EPHA5: variants seen among roughly 807,000 people sequenced by gnomAD.
EPHA5 encodes the protein ephrin type-A receptor 5.
Under a neutral mutation model 105.0 loss-of-function variants are expected in EPHA5, and 60 were observed. The ratio of observed to expected loss-of-function variants is 0.57; its 90% confidence interval spans 0.46 to 0.71. The LOEUF is 0.71. Among genes scored for constraint, EPHA5 ranks in the 30% least tolerant of loss-of-function variants. The pLI is 0.00. For missense variants in EPHA5, 1,218 were observed against 1,274.7 expected (o/e 0.96, Z 0.68); for synonymous variants, 513 against 449.1 (o/e 1.14, Z -1.80).
At chr4:65,468,584 A>AAT (rs1560571631) in intron 5 of EPHA5, among the ~76,000 whole-genome samples, 1 of 24,098 alleles carries the variant, frequency 4.1e-5, no homozygotes, top group African/African-American at 1.3e-4. Flanking sequence ...ATATATGTAA[A>AAT]ATATATATAA....
intron 2 of EPHA5, among the ~76,000 whole-genome samples, chr4:65,605,266 G>T (rs1419154324): frequency 6.6e-6 from 1 of 152,082 alleles, no homozygotes; most frequent in Non-Finnish European, 1.5e-5. Flanking sequence ...ATCAGAGAAG[G>T]GTCGGGGGAA....
chr4:65,661,084 T>A (rs894246997), intron 1 of EPHA5, among the ~76,000 whole-genome samples: 5 of 152,212 alleles, frequency 3.3e-5, no homozygotes, highest in Non-Finnish European at 4.4e-5. Context: ...ATAGCAATTA[T>A]ATGAAGTAGG....
chr4:65,453,227 T>A (rs1727239321), intron 5 of EPHA5, among the ~76,000 whole-genome samples: 1 of 152,220 alleles, frequency 6.6e-6, no homozygotes, highest in Non-Finnish European at 1.5e-5. Context: ...TGTGTAGAAA[T>A]TATAATGGAA....
At chr4:65,612,935 A>C (rs1381559208) in intron 2 of EPHA5, among the ~76,000 whole-genome samples, 1 of 152,038 alleles carries the variant, frequency 6.6e-6, no homozygotes, top group Non-Finnish European at 1.5e-5. Flanking sequence ...TGAGGTCTTA[A>C]TCATGCATAC....
At chr4:65,665,223 G>A (rs1399690348) in intron 1 of EPHA5, among the ~76,000 whole-genome samples, 1 of 151,658 alleles carries the variant, frequency 6.6e-6, no homozygotes, top group Non-Finnish European at 1.5e-5. Flanking sequence ...AGGTAGAAAG[G>A]TTTCTACCAA....
intron 2 of EPHA5, among the ~76,000 whole-genome samples, chr4:65,613,323 A>T (rs1256177708): frequency 6.6e-6 from 1 of 151,916 alleles, no homozygotes; most frequent in Admixed American, 6.6e-5. Context: ...CTCCAGCTTT[A>T]TTCTTTTTGC....
At chr4:65,585,118 GTT>G (rs1560735017) in intron 3 of EPHA5, among the ~76,000 whole-genome samples, 1 of 116,158 alleles carries the variant, frequency 8.6e-6, no homozygotes, top group African/African-American at 3.4e-5. Context: ...GTGCATGTGT[GTT>G]TGTGTGTGTG....
rs190831840 is a variant in EPHA5 at position 65,379,935 on chromosome 4, C to A, written c.1794-12511G>T. Among the ~76,000 whole-genome samples the A allele has an allele frequency of 4.6e-5, 7 of 151,776 alleles. No individual in the cohort carries two copies. In the East Asian group the frequency reaches 9.7e-4, roughly 21 times the overall value. ...ATGAACATCTGAAGTTTAACAATGG[C>A]CCCCTAATAACCTTTTAAAATAATT... On this transcript the variant is annotated intron_variant, in intron 8 of 16. Coordinates refer to ENST00000613740, the MANE Select transcript of EPHA5 (RefSeq NM_001281766.3).
intron 7 of EPHA5, among the ~76,000 whole-genome samples, chr4:65,412,546 ATAAGATTTTACTCG>A (rs1250990277): frequency 1.5e-4 from 23 of 152,168 alleles, no homozygotes; most frequent in African/African-American, 4.8e-4. Context: ...TGAGTAGAAA[ATAAGATTTTACTCG>A]TAGCTAGGAG....
At chr4:65,412,420 A>C (rs1339543563) in intron 7 of EPHA5, among the ~76,000 whole-genome samples, 1 of 152,168 alleles carries the variant, frequency 6.6e-6, no homozygotes, top group Non-Finnish European at 1.5e-5. Context: ...TTGTTGTTGA[A>C]TTATATTCAG....
At chr4:65,667,526 G>T (rs1286743904) in intron 1 of EPHA5, among the ~76,000 whole-genome samples, 1 of 151,932 alleles carries the variant, frequency 6.6e-6, no homozygotes, top group African/African-American at 2.4e-5. Flanking sequence ...GCTGTGTGAC[G>T]GACTAGATGA....
intron 7 of EPHA5, among the ~76,000 whole-genome samples, chr4:65,412,892 GT>G (rs965391684): frequency 6.6e-6 from 1 of 152,016 alleles, no homozygotes; most frequent in African/African-American, 2.4e-5. Context: ...ATTTACAGTT[GT>G]TTTTTTAAAT....
chr4:65,532,678 T>G (rs1193443792), intron 3 of EPHA5, among the ~76,000 whole-genome samples: 2 of 151,040 alleles, frequency 1.3e-5, no homozygotes, highest in African/African-American at 2.4e-5. Context: ...ACAGTTTTTT[T>G]TTTTTTTTTT....
At chr4:65,425,283 T>C (rs1230252594) in intron 5 of EPHA5, among the ~76,000 whole-genome samples, 2 of 152,128 alleles carry the variant, frequency 1.3e-5, no homozygotes, top group Non-Finnish European at 2.9e-5. Flanking sequence ...TTACATTTGA[T>C]TCTATAGGTT....
At chr4:65,491,425 GACT>G (rs1731388216) in intron 4 of EPHA5, among the ~76,000 whole-genome samples, 2 of 151,828 alleles carry the variant, frequency 1.3e-5, no homozygotes, top group East Asian at 1.9e-4. Flanking sequence ...CCCTGAAAAG[GACT>G]ACAATAGGAT....
chr4:65,512,289 C>T (rs76799386), intron 3 of EPHA5, among the ~76,000 whole-genome samples: 166 of 151,964 alleles, frequency 1.1e-3, no homozygotes, highest in African/African-American at 3.5e-3. Context: ...TGCTAGTGGT[C>T]GGTGAGAGTA....
chr4:65,321,702 AAG>A lies in EPHA5; in HGVS notation c.*2410_*2411del. 1.3e-5 allele frequency: 3 copies of A among 228,880 alleles called. No individual in the cohort carries two copies. Among genetic ancestry groups the A allele is most frequent in the Non-Finnish European group, 1.7e-5 (2 of 115,254 alleles). The allele number at this position is 228,880 out of a possible 1,614,324, so 14.2% of individuals were successfully genotyped here. A position where few individuals can be genotyped will look rare whatever the true frequency, so the allele number is the denominator to read the frequency against. ...TAATTTATATTCTTCCTTTGTTAAA[AAG>A]AGAAAATCTATATTGCAACTTAAAG... On this transcript the variant is annotated 3_prime_UTR_variant, in exon 17 of 17. Coordinates refer to ENST00000613740, the MANE Select transcript of EPHA5 (RefSeq NM_001281766.3).
chr4:65,406,952 T>G (rs1722417556), intron 7 of EPHA5, among the ~76,000 whole-genome samples: 1 of 152,022 alleles, frequency 6.6e-6, no homozygotes, highest in Admixed American at 6.6e-5. Flanking sequence ...TCATTAATTA[T>G]CAGATACTAT....
chr4:65,501,695 T>G (rs1436929820), intron 3 of EPHA5, among the ~76,000 whole-genome samples: 1 of 151,686 alleles, frequency 6.6e-6, no homozygotes, highest in Non-Finnish European at 1.5e-5. Flanking sequence ...AATGTACAGA[T>G]TCAATACTAT....
Sources: gnomAD v4.1 joint callset for allele counts (sites outside exome capture counted in the v4.1 genomes callset) on GRCh38, gnomAD v4.1.1 for gene constraint, MANE v1.5 for transcripts, NCBI Gene and HGNC (gene_info 2026-07-23, HGNC 2026-07-21) for gene names.